The following STK10 variants were observed in gnomAD, a reference collection of about 807,000 sequenced individuals.
The protein encoded by STK10 is serine/threonine-protein kinase 10.
In STK10, 78 loss-of-function variants were observed where a neutral mutation model predicts 113.8. The observed-to-expected ratio is 0.69, with a 90% CI of 0.57 to 0.83. The LOEUF (loss-of-function observed/expected upper bound fraction) is 0.83. Among genes scored for constraint, STK10 ranks in the 40% least tolerant of loss-of-function variants. The pLI, the probability that STK10 is intolerant of heterozygous loss-of-function variation, is 0.00. For missense variants in STK10, 1,109 were observed against 1,280.1 expected, an observed-to-expected ratio of 0.87 and a Z score of 2.04; for synonymous variants, 465 against 494.7, an observed-to-expected ratio of 0.94 and a Z score of 0.80.
At chr5:172,094,448 C>CACCTCCTG (rs1449785295) in intron 8 of STK10, among the ~76,000 whole-genome samples, 10 of 152,162 alleles carry the variant, frequency 6.6e-5, no homozygotes, top group Admixed American at 6.5e-4. Context: ...ATGCAACCTC[C>CACCTCCTG]ACCTCCTGGG....
chr5:172,107,596 T>G (rs1201614089), intron 5 of STK10, among the ~76,000 whole-genome samples, 184 bp downstream of exon 5: 1 of 152,230 alleles, frequency 6.6e-6, no homozygotes, highest in East Asian at 1.9e-4. Context: ...TCCCTAATTT[T>G]ATGGATGAAG....
chr5:172,055,900 A>C (rs1767742241), intron 15 of STK10, 124 bp from the exon 16 acceptor site: 2 of 711,866 alleles, frequency 2.8e-6, no homozygotes, highest in African/African-American at 1.8e-5. Flanking sequence ...AATGTTCAGC[A>C]GATCAAGGCT....
chr5:172,101,517 G>C (rs1236111294), intron 7 of STK10, among the ~76,000 whole-genome samples: 2 of 151,544 alleles, frequency 1.3e-5, no homozygotes, highest in Non-Finnish European at 1.5e-5. Flanking sequence ...TATTTGCTGA[G>C]GGCTCTCTAT....
intron 4 of STK10, among the ~76,000 whole-genome samples, chr5:172,108,858 C>T (rs1769173921): frequency 6.6e-6 from 1 of 151,930 alleles, no homozygotes; most frequent in Non-Finnish European, 1.5e-5. Context: ...AATCTTGGCT[C>T]ACTGTAACCT....
intron 18 of STK10, among the ~76,000 whole-genome samples, chr5:172,051,837 G>A (rs1213979076): frequency 1.3e-5 from 2 of 152,122 alleles, no homozygotes; most frequent in Admixed American, 6.6e-5. Flanking sequence ...TATTGACCAT[G>A]CCAGCAGCGG....
At chr5:172,131,298 T>G (rs1769751538) in intron 2 of STK10, among the ~76,000 whole-genome samples, 1 of 152,204 alleles carries the variant, frequency 6.6e-6, no homozygotes, top group Non-Finnish European at 1.5e-5. Flanking sequence ...CCTCCCAAAG[T>G]GCTGGGATTA....
At chr5:172,181,156 G>C (rs1770848218) in intron 1 of STK10, among the ~76,000 whole-genome samples, 1 of 152,194 alleles carries the variant, frequency 6.6e-6, no homozygotes, top group Non-Finnish European at 1.5e-5. Flanking sequence ...TCCCTACGCT[G>C]CTGCCTTCCC....
intron 12 of STK10, among the ~76,000 whole-genome samples, chr5:172,067,628 G>A (rs2042047487): frequency 6.6e-6 from 1 of 151,820 alleles, no homozygotes; most frequent in Admixed American, 6.6e-5. Flanking sequence ...AAAGTTCACA[G>A]CCCAGAAAAA....
intron 1 of STK10, among the ~76,000 whole-genome samples, chr5:172,157,471 G>C (rs1363982803): frequency 6.6e-6 from 1 of 152,238 alleles, no homozygotes; most frequent in East Asian, 1.9e-4. Context: ...CAGGAGAATC[G>C]CTTGAACCCG....
intron 12 of STK10, among the ~76,000 whole-genome samples, chr5:172,080,293 C>T (rs943836361): frequency 3.9e-5 from 6 of 152,156 alleles, no homozygotes; most frequent in African/African-American, 7.2e-5. Flanking sequence ...TTCTCTGAGA[C>T]ACAACGATAT....
In STK10 at chr5:172,082,241, G is replaced by A. The variant is rs903232703; in HGVS notation, c.1989+85C>T. 36 of 1,408,254 alleles carry A rather than the reference G, an allele frequency of 2.6e-5. No individual in the cohort carries two copies. Among genetic ancestry groups the A allele is most frequent in the Non-Finnish European group, 3.4e-5 (36 of 1,070,472 alleles). 87.2% of individuals were successfully genotyped at this position (1,408,254 alleles called of 1,614,324 possible). On this transcript the variant is annotated intron_variant, in intron 12 of 18. Coordinates refer to ENST00000176763, the MANE Select transcript of STK10 (RefSeq NM_005990.4). This position sits in a 1 kb window ranked among gnomAD's most constrained non-coding sequence, Gnocchi z 4.3. ...TTCAGCCGTACCCCTCTGCTGCCAAGGTGAGGTTGAGGCCACGATCACTTG... is the reference window on the plus strand; with the variant it reads ...TTCAGCCGTACCCCTCTGCTGCCAAAGTGAGGTTGAGGCCACGATCACTTG...
intron 10 of STK10, among the ~76,000 whole-genome samples, chr5:172,084,629 A>G (rs958635792): frequency 6.6e-6 from 1 of 152,020 alleles, no homozygotes; most frequent in African/African-American, 2.4e-5. Flanking sequence ...GATTTCTGGT[A>G]GGAAAATGAA....
chr5:172,174,849 G>A, intron 1 of STK10, among the ~76,000 whole-genome samples: 1 of 152,160 alleles, frequency 6.6e-6, no homozygotes, highest in Non-Finnish European at 1.5e-5. Context: ...CCTCCCAGAG[G>A]CACCACTGGC....
intron 14 of STK10, among the ~76,000 whole-genome samples, chr5:172,059,103 G>A (rs1390359109): frequency 4.6e-5 from 7 of 150,654 alleles, no homozygotes; most frequent in Admixed American, 1.3e-4. Flanking sequence ...GGTGGCGGGC[G>A]CCTGTAGTCC....
chr5:172,147,345 A>AT (rs1770106389), intron 2 of STK10, among the ~76,000 whole-genome samples: 1 of 151,910 alleles, frequency 6.6e-6, no homozygotes, highest in African/African-American at 2.4e-5. Context: ...TGGAAAAAAA[A>AT]GTGCACGGTC....
intron 1 of STK10, among the ~76,000 whole-genome samples, chr5:172,168,739 T>C (rs1018124986): frequency 1.3e-5 from 2 of 152,192 alleles, no homozygotes; most frequent in African/African-American, 4.8e-5. Flanking sequence ...TAGGAGGCAC[T>C]GGCAGGCCTG....
At chr5:172,151,325 GTTTTTCTTTTTTTTC>G in intron 2 of STK10, among the ~76,000 whole-genome samples, 1 of 151,744 alleles carries the variant, frequency 6.6e-6, no homozygotes, top group South Asian at 2.1e-4. Flanking sequence ...CGACCTTTGC[GTTTTTCTTTTTTTTC>G]TTTTTCTTTT....
chr5:172,142,320 C>T (rs1769990441), intron 2 of STK10, among the ~76,000 whole-genome samples: 1 of 152,190 alleles, frequency 6.6e-6, no homozygotes, highest in Non-Finnish European at 1.5e-5. Context: ...TCTCTCTTCT[C>T]CACCAGACCA....
intron 1 of STK10, among the ~76,000 whole-genome samples, chr5:172,164,211 TAAA>T (rs57573746): frequency 2.5e-4 from 21 of 84,624 alleles, no homozygotes; most frequent in Non-Finnish European, 1.6e-4. Flanking sequence ...AAACTCCATC[TAAA>T]AAAAAAAAAA....
Sources: allele counts gnomAD v4.1 joint callset (sites outside exome capture counted in the v4.1 genomes callset), GRCh38; gene constraint gnomAD v4.1.1; non-coding constraint Gnocchi (gnomAD v3.1); transcripts MANE v1.5; gene names NCBI Gene and HGNC (gene_info 2026-07-23, HGNC 2026-07-21).